PKHD1L1: variants seen among roughly 807,000 people sequenced by gnomAD.
The protein encoded by PKHD1L1 is fibrocystin-L.
A neutral mutation model predicts 462.9 loss-of-function variants in PKHD1L1; 434 were observed. That is an observed-to-expected ratio of 0.94 (90% CI 0.87 to 1.02). PKHD1L1 has a LOEUF of 1.02. Among genes scored for constraint, PKHD1L1 ranks in the 50% least tolerant of loss-of-function variants. The pLI, the probability that PKHD1L1 is intolerant of heterozygous loss-of-function variation, is 0.00. For missense variants in PKHD1L1, 5,202 were observed against 5,096.1 expected (o/e 1.02, Z -0.63); for synonymous variants, 1,781 against 1,750.0 (o/e 1.02, Z -0.44).
At chr8:109,513,845 A>G (rs1030659642) in intron 71 of PKHD1L1, among the ~76,000 whole-genome samples, 3 of 152,084 alleles carry the variant, frequency 2.0e-5, no homozygotes, top group African/African-American at 7.2e-5. Context: ...GCTACTATCC[A>G]GTTTGAGCCT....
intron 10 of PKHD1L1, 85 bp downstream of exon 10, chr8:109,394,570 T>A: frequency 1.2e-6 from 1 of 855,740 alleles, no homozygotes; most frequent in Non-Finnish European, 1.7e-6. Flanking sequence ...ACAATGAGTG[T>A]AAGGTGTATT....
chr8:109,383,431 A>C (rs1265317702), intron 4 of PKHD1L1, among the ~76,000 whole-genome samples: 1 of 122,848 alleles, frequency 8.1e-6, no homozygotes, highest in Middle Eastern at 3.8e-3. Context: ...TATAATATAT[A>C]ATATATAAAT....
chr8:109,443,411 G>T (rs1815927292), intron 36 of PKHD1L1, among the ~76,000 whole-genome samples: 1 of 152,126 alleles, frequency 6.6e-6, no homozygotes, highest in Non-Finnish European at 1.5e-5. Context: ...GTAAGATGAC[G>T]TTGTTATTTT....
intron 42 of PKHD1L1, 126 bp from the exon 43 acceptor site, chr8:109,452,589 CTTA>C: frequency 4.2e-6 from 2 of 473,474 alleles, no homozygotes; most frequent in Non-Finnish European, 6.2e-6. Context: ...TAATAAAATG[CTTA>C]TTGTTTATAT....
chr8:109,431,235 A>G (rs939881494), intron 27 of PKHD1L1, among the ~76,000 whole-genome samples: 4 of 152,156 alleles, frequency 2.6e-5, no homozygotes, highest in African/African-American at 7.2e-5. Flanking sequence ...CTTACCCAAT[A>G]TAACAATCTG....
At chr8:109,471,640 CAT>C (rs997912534) in intron 50 of PKHD1L1, among the ~76,000 whole-genome samples, 5 of 152,186 alleles carry the variant, frequency 3.3e-5, no homozygotes, top group Non-Finnish European at 7.4e-5. Flanking sequence ...TGTGGCAAAA[CAT>C]ATACCGCCCA....
chr8:109,368,940 A>AGAG (rs1284353135), intron 2 of PKHD1L1, among the ~76,000 whole-genome samples: 2 of 152,064 alleles, frequency 1.3e-5, no homozygotes, highest in African/African-American at 4.8e-5. Flanking sequence ...GAGTACTTCC[A>AGAG]GAGGTGGTGT....
rs918637935 is a variant in PKHD1L1, at chr8:109,409,880, G to A, written c.1987G>A (p.Glu663Lys). The A allele has an allele frequency of 1.3e-5, 21 of 1,585,932 alleles. No individual in the cohort carries two copies. The African/African-American group carries it at 2.3e-4, about 18-fold the overall frequency. Reference sequence around the variant, plus strand: ...GTTAATTTAGTTTCAGGGAGCAGTGGAAGAAATGGTTAGCACTAAGTGTCC... The same window carrying A: ...GTTAATTTAGTTTCAGGGAGCAGTGAAAGAAATGGTTAGCACTAAGTGTCC... Reference protein sequence around the residue: ...SSEAEFQGAVEEMVSTKCPPQ... With the variant: ...SSEAEFQGAVKEMVSTKCPPQ... Residue 663 changes from glutamate (E) to lysine (K), a missense_variant, in exon 19 of 78, where the codon GAA becomes AAA. Glu to Lys is a moderately conservative substitution (Grantham distance 56, BLOSUM62 1). Coordinates refer to ENST00000378402, the MANE Select transcript of PKHD1L1 (RefSeq NM_177531.6).
chr8:109,454,047 A>C, intron 43 of PKHD1L1, 120 bp from the exon 44 acceptor site: 1 of 562,790 alleles, frequency 1.8e-6, no homozygotes, highest in Non-Finnish European at 3.0e-6. Context: ...ATGAATGAGG[A>C]ATTAAATTTT....
chr8:109,510,744 A>G, intron 70 of PKHD1L1, 33 bp from the exon 71 acceptor site: 2 of 1,595,878 alleles, frequency 1.3e-6, no homozygotes, highest in Non-Finnish European at 1.7e-6. Context: ...TGTATGATAT[A>G]GGAGTATGCA....
At chr8:109,396,848 C>T (rs995356788) in intron 11 of PKHD1L1, among the ~76,000 whole-genome samples, 2 of 152,222 alleles carry the variant, frequency 1.3e-5, no homozygotes, top group African/African-American at 2.4e-5. Flanking sequence ...TTTCCACAGT[C>T]CTCTTGCTCA....
intron 2 of PKHD1L1, among the ~76,000 whole-genome samples, chr8:109,376,731 C>T (rs1168993649): frequency 6.6e-6 from 1 of 152,124 alleles, no homozygotes; most frequent in Non-Finnish European, 1.5e-5. Flanking sequence ...TCAGGTACCA[C>T]GTTAAACATT....
At chr8:109,474,960 T>C (rs987044603) in intron 50 of PKHD1L1, among the ~76,000 whole-genome samples, 158 bp from the exon 51 acceptor site, 1 of 152,170 alleles carries the variant, frequency 6.6e-6, no homozygotes, top group Non-Finnish European at 1.5e-5. Flanking sequence ...AATGCCATAT[T>C]AATCTTTTTA....
Position 109,491,120 on chromosome 8 carries a change from G to A in PKHD1L1, c.10114+19G>A. The A allele has an allele frequency of 6.3e-7, 1 of 1,596,482 alleles. No homozygotes were observed. Among genetic ancestry groups the A allele is most frequent in the Admixed American group, 1.7e-5 (1 of 59,260 alleles). ...GGGGAAGGTAATATAATAATATTTT[G>A]GTTCAAATTACACATCCTGTGGAGG... is the stretch of plus-strand genomic sequence containing the variant. On this transcript the variant is annotated intron_variant, in intron 61 of 77. Coordinates refer to ENST00000378402, the MANE Select transcript of PKHD1L1 (RefSeq NM_177531.6).
chr8:109,470,528 G>T lies in PKHD1L1; in HGVS notation c.8605+3759G>T. The T allele has an allele frequency of 1.9e-6, 3 of 1,610,704 alleles. No individual in the cohort carries two copies. The South Asian group carries it at 3.3e-5, about 18-fold the overall frequency. ...GGAAAAGAAAGGGAAAAGAAGCAGG[G>T]ATTTGATTTTGATTCCTTTATTGCA... On this transcript the variant is annotated intron_variant, in intron 50 of 77. Coordinates refer to ENST00000378402, the MANE Select transcript of PKHD1L1 (RefSeq NM_177531.6).
intron 72 of PKHD1L1, 120 bp downstream of exon 72, chr8:109,515,425 T>G: frequency 1.2e-6 from 1 of 841,136 alleles, no homozygotes; most frequent in Non-Finnish European, 1.6e-6. Flanking sequence ...AAAACAAGTT[T>G]TTAGCCATAG....
intron 2 of PKHD1L1, 90 bp downstream of exon 2, chr8:109,364,726 A>G (rs1301149954): frequency 2.9e-5 from 24 of 831,436 alleles, no homozygotes; most frequent in Non-Finnish European, 4.1e-5. Context: ...AAACAAACAA[A>G]CAAGCACCAC....
chr8:109,479,524 A>G, intron 53 of PKHD1L1, 27 bp from the exon 54 acceptor site: 2 of 1,350,024 alleles, frequency 1.5e-6, no homozygotes, highest in Non-Finnish European at 2.1e-6. Context: ...GTAGTAATTC[A>G]TGGAAGTATT....
intron 28 of PKHD1L1, among the ~76,000 whole-genome samples, chr8:109,434,525 G>A (rs906919640): frequency 6.6e-5 from 10 of 151,902 alleles, no homozygotes; most frequent in Admixed American, 3.9e-4. Context: ...CTGGAGTACC[G>A]TGGCATGATC....
Sources: gnomAD v4.1 joint callset for allele counts (sites outside exome capture counted in the v4.1 genomes callset) on GRCh38, gnomAD v4.1.1 for gene constraint, MANE v1.5 for transcripts, NCBI Gene and HGNC (gene_info 2026-07-23, HGNC 2026-07-21) for gene names.